RIC1: variants seen among roughly 807,000 people sequenced by gnomAD.
The protein encoded by RIC1 is RIC1 partner of RAB6A GEF complex, also known as guanine nucleotide exchange factor subunit RIC1.
In RIC1, 88 loss-of-function variants were observed where a neutral mutation model predicts 169.0. The observed-to-expected ratio is 0.52, with a 90% CI of 0.44 to 0.62. RIC1 has a LOEUF of 0.62. Ranked by LOEUF, RIC1 falls within the 20% of genes least tolerant of loss-of-function variation. The probability of loss-of-function intolerance (pLI) is 0.00; values close to 1 mark genes in which losing one functional copy is unlikely to be tolerated. For missense variants in RIC1, 1,877 were observed against 1,725.5 expected (o/e 1.09, Z -1.56); for synonymous variants, 790 against 601.5 (o/e 1.31, Z -4.59).
chr9:5,729,228 G>A (rs919221270), intron 6 of RIC1, among the ~76,000 whole-genome samples: 1 of 152,160 alleles, frequency 6.6e-6, no homozygotes. Flanking sequence ...GGTGGTAGGG[G>A]TGGGGGTGTT....
chr9:5,651,362 T>C (rs1563869634), intron 1 of RIC1, among the ~76,000 whole-genome samples: 1 of 152,080 alleles, frequency 6.6e-6, no homozygotes, highest in Non-Finnish European at 1.5e-5. Flanking sequence ...TTTGGGTTTT[T>C]TTTTTGTGAA....
chr9:5,753,168 G>T (rs1035312793), intron 12 of RIC1, 32 bp from the exon 13 acceptor site: 2 of 1,583,376 alleles, frequency 1.3e-6, no homozygotes, highest in Non-Finnish European at 1.7e-6. Context: ...TATTTCATAA[G>T]TTTTACCAAT....
At chr9:5,730,674 A>AT (rs1824317944) in intron 6 of RIC1, among the ~76,000 whole-genome samples, 1 of 152,146 alleles carries the variant, frequency 6.6e-6, no homozygotes. Context: ...GGTACTCATG[A>AT]TTCTTGGCCT....
Position 5,728,430 on chromosome 9 carries a change from G to A in RIC1, c.721-3958G>A, listed in dbSNP as rs112728893. On this transcript the variant is annotated intron_variant, in intron 6 of 25. Transcript: ENST00000414202. ...GGGTGGGAGTGTCCCGATTTTCCAT[G>A]TACCATCTGTCATGGCTTCCTTTGG... Among the ~76,000 whole-genome samples the A allele has an allele frequency of 6.0e-3, 920 of 152,340 alleles. 13 individuals are homozygous for A. Among genetic ancestry groups the A allele is most frequent in the African/African-American group, 0.021 (874 of 41,576 alleles).
At chr9:5,733,725 G>C (rs1162827335) in intron 7 of RIC1, among the ~76,000 whole-genome samples, 1 of 152,064 alleles carries the variant, frequency 6.6e-6, no homozygotes, top group African/African-American at 2.4e-5. Flanking sequence ...CTTAGTACAA[G>C]AGAGAAGGAA....
At chr9:5,735,978 A>G (rs960856033) in intron 7 of RIC1, among the ~76,000 whole-genome samples, 1 of 152,218 alleles carries the variant, frequency 6.6e-6, no homozygotes, top group East Asian at 1.9e-4. Context: ...TTTAATGAAA[A>G]TATATTTTTC....
chr9:5,684,960 T>C (rs1377829131), intron 2 of RIC1, among the ~76,000 whole-genome samples: 2 of 152,166 alleles, frequency 1.3e-5, no homozygotes, highest in East Asian at 1.9e-4. Context: ...ATAAGGTAAA[T>C]TACATGTATT....
intron 3 of RIC1, among the ~76,000 whole-genome samples, chr9:5,704,693 A>G (rs767000706): frequency 1.1e-4 from 17 of 152,194 alleles, no homozygotes; most frequent in African/African-American, 3.9e-4. Context: ...TCCAATTTAT[A>G]TATATATTTT....
intron 2 of RIC1, among the ~76,000 whole-genome samples, chr9:5,684,307 C>G (rs200389762): frequency 7.5e-5 from 9 of 119,844 alleles, no homozygotes; most frequent in African/African-American, 2.5e-4. Flanking sequence ...CCCCCGCCAT[C>G]TCATCAATTT....
Position 5,737,297 on chromosome 9 carries a change from A to G in RIC1, c.813-1153A>G, listed in dbSNP as rs373582035. 5.7e-4 allele frequency among the ~76,000 whole-genome samples: 83 copies of G among 145,770 alleles called. No individual in the cohort carries two copies. The South Asian group carries it at 0.017, about 30-fold the overall frequency. On this transcript the variant is annotated intron_variant, in intron 7 of 25. Transcript: ENST00000414202. The stretch of plus-strand genomic sequence containing the variant: ...CTTCAGAAATTTGACCCTTGTAAAG[A>G]TGTTTTAAATTAAGTAATTATATAT...
intron 12 of RIC1, among the ~76,000 whole-genome samples, chr9:5,747,788 T>G (rs1587100727): frequency 1.6e-5 from 2 of 121,650 alleles, no homozygotes; most frequent in South Asian, 2.7e-4. Flanking sequence ...TATTTTACTT[T>G]CAGCCTCTTT....
chr9:5,704,958 A>G (rs1256118101), intron 3 of RIC1, among the ~76,000 whole-genome samples: 1 of 152,310 alleles, frequency 6.6e-6, no homozygotes, highest in African/African-American at 2.4e-5. Context: ...CTTTGCCAAT[A>G]ATCAATTGAC....
intron 3 of RIC1, among the ~76,000 whole-genome samples, chr9:5,710,427 G>T (rs999990737): frequency 2.6e-5 from 4 of 152,140 alleles, no homozygotes; most frequent in African/African-American, 9.7e-5. Flanking sequence ...CAGGTTTGAG[G>T]GATCCTTCCT....
chr9:5,732,551 T>A (rs956310326), intron 7 of RIC1, 72 bp downstream of exon 7: 1 of 923,416 alleles, frequency 1.1e-6, no homozygotes, highest in East Asian at 2.5e-5. Context: ...TTTGTAAACA[T>A]AAGATGTTCC....
Position 5,755,042 on chromosome 9 carries a change from T to C in RIC1, c.1692+112T>C, listed in dbSNP as rs571769083. 1,159 of 625,666 alleles carry C rather than the reference T, an allele frequency of 1.9e-3. 3 individuals carry two copies. The highest frequency in any genetic ancestry group is 2.2e-3 in the Non-Finnish European group (890 of 401,878). The allele number at this position is 625,666 out of a possible 1,614,324, so 38.8% of individuals were successfully genotyped here. A position where few individuals can be genotyped will look rare whatever the true frequency, so the allele number is the denominator to read the frequency against. The stretch of plus-strand genomic sequence containing the variant: ...AAAACTGAACAAAACATTTTATTTT[T>C]TAATCAAGAATGTAGCTTCTTTTAG... On this transcript the variant is annotated intron_variant, in intron 15 of 25. Transcript: ENST00000414202.
intron 3 of RIC1, among the ~76,000 whole-genome samples, chr9:5,690,802 A>G (rs1161334816): frequency 1.3e-5 from 2 of 151,974 alleles, no homozygotes; most frequent in Non-Finnish European, 2.9e-5. Flanking sequence ...CTACTTTTAT[A>G]TAAAAGAGAT....
At chr9:5,758,304 G>T (rs1826126344) in intron 17 of RIC1, among the ~76,000 whole-genome samples, 1 of 152,184 alleles carries the variant, frequency 6.6e-6, no homozygotes, top group African/African-American at 2.4e-5. Flanking sequence ...CATGTCAACT[G>T]GGAACCTACT....
intron 12 of RIC1, among the ~76,000 whole-genome samples, chr9:5,747,726 A>G (rs2131005668): frequency 6.6e-6 from 1 of 152,290 alleles, no homozygotes; most frequent in Non-Finnish European, 1.5e-5. Flanking sequence ...CAAGTCTATT[A>G]ATAATGTCAA....
At chr9:5,728,825 T>G (rs950029258) in intron 6 of RIC1, among the ~76,000 whole-genome samples, 3 of 152,342 alleles carry the variant, frequency 2.0e-5, no homozygotes, top group South Asian at 4.1e-4. Context: ...TGTCGGATCT[T>G]TTAATAGCTA....
Sources: allele counts gnomAD v4.1 joint callset (sites outside exome capture counted in the v4.1 genomes callset), GRCh38; gene constraint gnomAD v4.1.1; transcripts MANE v1.5; gene names NCBI Gene and HGNC (gene_info 2026-07-23, HGNC 2026-07-21).